The following RPRD2 variants were observed in gnomAD, a reference collection of about 807,000 sequenced individuals.
RPRD2 encodes the protein regulation of nuclear pre-mRNA domain-containing protein 2.
A neutral mutation model predicts 104.4 loss-of-function variants in RPRD2; 12 were observed. The ratio of observed to expected loss-of-function variants is 0.11; its 90% CI spans 0.07 to 0.19. The LOEUF (loss-of-function observed/expected upper bound fraction) is 0.19. Among genes scored for constraint, RPRD2 ranks in the 10% least tolerant of loss-of-function variants. The pLI, the probability that RPRD2 is intolerant of heterozygous loss-of-function variation, is 1.00. For missense variants in RPRD2, 1,543 were observed against 1,790.1 expected (o/e 0.86, Z 2.49); for synonymous variants, 714 against 684.9 (o/e 1.04, Z -0.66).
intron 2 of RPRD2, among the ~76,000 whole-genome samples, chr1:150,440,342 A>G (rs1262997565): frequency 1.3e-5 from 2 of 152,232 alleles, no homozygotes; most frequent in African/African-American, 4.8e-5. Flanking sequence ...CGCTGGGATT[A>G]CAGGCGTGAG....
intron 1 of RPRD2, among the ~76,000 whole-genome samples, chr1:150,380,427 C>T (rs782107969): frequency 5.3e-5 from 8 of 151,918 alleles, no homozygotes; most frequent in Non-Finnish European, 1.0e-4. Context: ...TGGGTTCAAG[C>T]GATTCTCCTG....
Position 150,364,298 on chromosome 1 carries a change from C to T in RPRD2, c.-417C>T, listed in dbSNP as rs1195867238. 6.6e-6 allele frequency among the ~76,000 whole-genome samples: 1 copy of T among 152,164 alleles called. No individual in the cohort carries two copies. The highest frequency in any genetic ancestry group is 2.4e-5 in the African/African-American group (1 of 41,444). On this transcript the variant is annotated 5_prime_UTR_variant, in exon 1 of 11. Transcript: ENST00000369068. Reference sequence around the variant, plus strand: ...GTATTACATTTAAGATATTAACGCCCGACCTGGCTCACAGGAGTGTGGGAA... The same window carrying T: ...GTATTACATTTAAGATATTAACGCCTGACCTGGCTCACAGGAGTGTGGGAA...
At chr1:150,460,693 G>A (rs1029306406) in intron 9 of RPRD2, among the ~76,000 whole-genome samples, 1 of 149,770 alleles carries the variant, frequency 6.7e-6, no homozygotes, top group Non-Finnish European at 1.5e-5. Context: ...GTGAGTCACC[G>A]TGCCCAGTCT....
chr1:150,429,146 G>T lies in RPRD2; in HGVS notation c.335+11421G>T, dbSNP rs950418236. Among the ~76,000 whole-genome samples, 3 of 150,276 alleles carry T rather than the reference G, an allele frequency of 2.0e-5. No individual in the cohort carries two copies. In the Admixed American group the frequency reaches 2.0e-4, roughly 10 times the overall value. On this transcript the variant is annotated intron_variant, in intron 2 of 10. Transcript: ENST00000369068. ...TTGCTCTTGTTGCCCAGGTTGGAGT[G>T]CAGTGGTGCGATCTCAGCTCACCAC... is the stretch of plus-strand genomic sequence containing the variant.
rs1666752899 is a variant in RPRD2 at position 150,446,078 on chromosome 1, AAAAAG to A, written c.695-144_695-140del. 7.8e-6 allele frequency: 4 copies of A among 515,568 alleles called. No individual in the cohort carries two copies. The South Asian group carries it at 1.2e-4, about 16-fold the overall frequency. 31.9% of individuals were successfully genotyped at this position (515,568 alleles called of 1,614,324 possible). A position where few individuals can be genotyped will look rare whatever the true frequency, so the allele number is the denominator to read the frequency against. On this transcript the variant is annotated intron_variant, in intron 6 of 10. Transcript: ENST00000369068. ...GTGAGACTCCGTCTCAAAAAAAAAAAAAAAGAAAGAAACTAAGAGTATTAGAGTAC... is the reference window on the plus strand; with the variant it reads ...GTGAGACTCCGTCTCAAAAAAAAAAAAAAGAAACTAAGAGTATTAGAGTAC...
rs1666769728 is a variant in RPRD2 at position 150,446,314 on chromosome 1, G to A, written c.783G>A (p.Val261=). The A allele has an allele frequency of 1.9e-6, 3 of 1,612,606 alleles. No homozygotes were observed. The highest frequency in any genetic ancestry group is 1.3e-5 in the African/African-American group (1 of 74,822). The change falls in exon 7 of 11, where the codon GTG becomes GTA. Residue 261 remains valine, a synonymous_variant. Transcript: ENST00000369068. ...EEFVNGLDKQ[V]KNGPSLTEAL... Reference sequence around the variant, plus strand: ...TTGTGAATGGATTAGATAAGCAGGTGAAAAACGGACCCTCATTAACAGAAG... The same window carrying A: ...TTGTGAATGGATTAGATAAGCAGGTAAAAAACGGACCCTCATTAACAGAAG...
At chr1:150,377,371 C>T (rs1162838461) in intron 1 of RPRD2, among the ~76,000 whole-genome samples, 3 of 151,906 alleles carry the variant, frequency 2.0e-5, no homozygotes, top group Admixed American at 2.0e-4. Context: ...GAGGCCGAGG[C>T]GGGCGGATCA....
chr1:150,472,724 C>A lies in RPRD2; in HGVS notation c.3776C>A (p.Pro1259His), dbSNP rs1328452515. Residue 1259 changes from proline to histidine, a missense_variant, in exon 11 of 11, where the codon CCT becomes CAT. By Grantham distance (77) the Pro-to-His change is moderately conservative. Coordinates refer to ENST00000369068, the MANE Select transcript of RPRD2 (RefSeq NM_015203.5). Reference sequence around the variant, plus strand: ...GCCCATGCTGCCCCACCCCCTCCTCCTGGAGAGCACAGTGGAATTCCTTTC... The same window carrying A: ...GCCCATGCTGCCCCACCCCCTCCTCATGGAGAGCACAGTGGAATTCCTTTC... Reference protein sequence around the residue: ...ALAHAAPPPPPGEHSGIPFPT... With the variant: ...ALAHAAPPPPHGEHSGIPFPT... The A allele has an allele frequency of 6.2e-7, 1 of 1,613,542 alleles. No homozygotes were observed. The highest frequency in any genetic ancestry group is 8.5e-7 in the Non-Finnish European group (1 of 1,179,646).
At position 150,428,643 on chromosome 1, in the gene RPRD2, G is replaced by T. The variant is rs16836858; in HGVS notation, c.335+10918G>T. ...TAGGGGTGTGTGCTACCTGGCCTGA[G>T]TCAACCCATTACTTAGTCTTTTATT... On this transcript the variant is annotated intron_variant, in intron 2 of 10. Transcript: ENST00000369068. 7.4e-3 allele frequency among the ~76,000 whole-genome samples: 1,119 copies of T among 151,954 alleles called. 16 individuals are homozygous for T. The highest frequency in any genetic ancestry group is 0.026 in the African/African-American group (1,079 of 41,438).
intron 2 of RPRD2, among the ~76,000 whole-genome samples, chr1:150,430,920 T>TC (rs1665520502): frequency 6.8e-6 from 1 of 146,476 alleles, no homozygotes; most frequent in South Asian, 2.1e-4. Context: ...AGAGCGAAAC[T>TC]CCATCTCAAA....
intron 2 of RPRD2, among the ~76,000 whole-genome samples, chr1:150,434,090 C>T (rs1466925555): frequency 1.3e-5 from 2 of 152,132 alleles, no homozygotes; most frequent in African/African-American, 4.8e-5. Flanking sequence ...CATGGTGGCT[C>T]ATGCCTGTAA....
At chr1:150,426,071 G>A (rs1173318032) in intron 2 of RPRD2, among the ~76,000 whole-genome samples, 1 of 152,136 alleles carries the variant, frequency 6.6e-6, no homozygotes, top group African/African-American at 2.4e-5. Context: ...ACTGCACTCT[G>A]CCTTGAGCGA....
At chr1:150,432,692 T>C (rs1170634562) in intron 2 of RPRD2, among the ~76,000 whole-genome samples, 1 of 148,988 alleles carries the variant, frequency 6.7e-6, no homozygotes, top group Non-Finnish European at 1.5e-5. Flanking sequence ...AGAGTAATAA[T>C]TGGAGCTGCG....
chr1:150,473,191 C>T lies in RPRD2; in HGVS notation c.4243C>T (p.Arg1415Trp), dbSNP rs773186260. ...DTISRSGIIL[R>W]SPRPDFRPRE... ...CATCAGCCGGAGTGGTATAATCTTA[C>T]GGAGTCCCCGGCCAGACTTTCGGCC... The change falls in exon 11 of 11, where the codon CGG (arginine) becomes TGG (tryptophan). Residue 1415 changes from arginine to tryptophan, a missense_variant. By Grantham distance (101) the Arg-to-Trp change is moderately radical. Transcript: ENST00000369068. The T allele has an allele frequency of 3.8e-5, 62 of 1,613,870 alleles. No homozygotes were observed. The highest frequency in any genetic ancestry group is 1.1e-4 in the African/African-American group (8 of 74,934).
chr1:150,451,233 T>C (rs587760950), intron 7 of RPRD2, among the ~76,000 whole-genome samples: 1 of 152,338 alleles, frequency 6.6e-6, no homozygotes, highest in South Asian at 2.1e-4. Context: ...GAAGTGATTC[T>C]GTGTTCTTCA....
At chr1:150,432,527 T>A (rs1553892074) in intron 2 of RPRD2, among the ~76,000 whole-genome samples, 1 of 151,442 alleles carries the variant, frequency 6.6e-6, no homozygotes, top group East Asian at 1.9e-4. Flanking sequence ...TAGTGAGAAT[T>A]GCACAACATT....
chr1:150,368,008 C>T (rs879956666), intron 1 of RPRD2, among the ~76,000 whole-genome samples: 4 of 152,064 alleles, frequency 2.6e-5, no homozygotes, highest in African/African-American at 7.2e-5. Flanking sequence ...AATGTCATTC[C>T]TCTGCTTTAA....
chr1:150,431,473 A>ATTTTTTTTTTT lies in RPRD2; in HGVS notation c.336-9436_336-9426dup, dbSNP rs1160491386. Among the ~76,000 whole-genome samples, 119 of 78,820 alleles carry ATTTTTTTTTTT rather than the reference A, an allele frequency of 1.5e-3. 4 individuals carry two copies. Among genetic ancestry groups the ATTTTTTTTTTT allele is most frequent in the East Asian group, 3.6e-3 (7 of 1,918 alleles). 51.7% of individuals were successfully genotyped at this position (78,820 alleles called of 152,430 possible). On this transcript the variant is annotated intron_variant, in intron 2 of 10. Coordinates refer to ENST00000369068, the MANE Select transcript of RPRD2 (RefSeq NM_015203.5). ...TATTATTCAGTCTTAAAAAGGAAGG[A>ATTTTTTTTTTT]TTTTTTTTTTTTTTTTTTTTTTTTG...
intron 2 of RPRD2, among the ~76,000 whole-genome samples, chr1:150,427,726 G>A (rs200154236): frequency 7.9e-5 from 12 of 152,136 alleles, no homozygotes; most frequent in African/African-American, 1.2e-4. Context: ...TTGAGCCCAG[G>A]AGGTCAAGGC....
Sources: gnomAD v4.1 joint callset for allele counts (sites outside exome capture counted in the v4.1 genomes callset) on GRCh38, gnomAD v4.1.1 for gene constraint, MANE v1.5 for transcripts, NCBI Gene and HGNC (gene_info 2026-07-23, HGNC 2026-07-21) for gene names.